The following MIA2 variants were observed in gnomAD, a reference collection of about 807,000 sequenced individuals.
The protein encoded by MIA2 is melanoma inhibitory activity protein 2.
A neutral mutation model predicts 167.8 loss-of-function variants in MIA2; 127 were observed. The ratio of observed to expected loss-of-function variants is 0.76; its 90% CI spans 0.66 to 0.88. The LOEUF is 0.88. Ranked by LOEUF, MIA2 falls within the 40% of genes least tolerant of loss-of-function variation. MIA2 has a pLI of 0.00. For missense variants in MIA2, 1,690 were observed against 1,624.7 expected (o/e 1.04, Z -0.69); for synonymous variants, 552 against 541.9 (o/e 1.02, Z -0.26).
chr14:39,265,672 C>G, intron 6 of MIA2: 1 of 364,406 alleles, frequency 2.7e-6, no homozygotes, highest in Non-Finnish European at 4.9e-6. Context: ...GTTCTAAAAC[C>G]TGAAAATTAT....
intron 25 of MIA2, among the ~76,000 whole-genome samples, chr14:39,341,930 T>A (rs2071970744): frequency 6.6e-6 from 1 of 152,074 alleles, no homozygotes; most frequent in Non-Finnish European, 1.5e-5. Context: ...CTCTTAAGAG[T>A]GTTATTCTGT....
At chr14:39,258,380 T>A (rs940266049) in intron 6 of MIA2, among the ~76,000 whole-genome samples, 2 of 152,238 alleles carry the variant, frequency 1.3e-5, no homozygotes, top group African/African-American at 4.8e-5. Flanking sequence ...TTGATTTAGC[T>A]ATTGATATTT....
At chr14:39,332,173 G>A (rs1006360749) in intron 25 of MIA2, among the ~76,000 whole-genome samples, 3 of 151,978 alleles carry the variant, frequency 2.0e-5, no homozygotes, top group African/African-American at 4.8e-5. Context: ...TTGTCTTCAC[G>A]CTTTATTTTA....
chr14:39,386,626 G>C (rs916865588), intron 23 of MIA2: 1 of 970,088 alleles, frequency 1.0e-6, no homozygotes, highest in African/African-American at 1.8e-5. Context: ...CTTTTTTTTT[G>C]GCTGGCAGTC....
rs2152638070 is a variant in MIA2 at position 39,252,927 on chromosome 14, G to T, written c.1747G>T (p.Asp583Tyr). Residue 583 changes from aspartate (D) to tyrosine (Y), a missense_variant, in exon 5 of 29, where the codon GAT (aspartate) becomes TAT (tyrosine). Physicochemically the swap from Asp to Tyr is radical, Grantham distance 160 (BLOSUM62 -3). Transcript: ENST00000640607. ...GCTAAATAGTCAGATGGTTTCAACT[G>T]ATAACTCTTTGTCTTCTCAAAATTA... ...TLLNSQMVST[D>Y]NSLSSQNYIS... The T allele has an allele frequency of 6.2e-7, 1 of 1,613,006 alleles. No individual in the cohort carries two copies.
chr14:39,297,314 ACTCTTGAC>A (rs1183565764), intron 13 of MIA2, among the ~76,000 whole-genome samples: 3 of 149,528 alleles, frequency 2.0e-5, no homozygotes, highest in Non-Finnish European at 3.0e-5. Context: ...TTGGTCTTGA[ACTCTTGAC>A]CTCAAGTGAT....
At position 39,319,287 on chromosome 14, in the gene MIA2, C is replaced by A; in HGVS notation, c.3363C>A (p.Gly1121=). ...TCGATGTTCCAAATACAGCATTTGG[C>A]AGAGGTAGTCTTTTTTTTTTTACCC... is the stretch of plus-strand genomic sequence containing the variant. The part of the protein sequence containing the change: ...YALDVPNTAF[G]REHSPYGPSP... Residue 1121 remains glycine (G), a synonymous_variant, in exon 23 of 29, where the codon GGC becomes GGA. Coordinates refer to ENST00000640607, the MANE Select transcript of MIA2 (RefSeq NM_001329214.4). 6.6e-7 allele frequency: 1 copy of A among 1,507,196 alleles called. No individual in the cohort carries two copies. Among genetic ancestry groups the A allele is most frequent in the Non-Finnish European group, 8.9e-7 (1 of 1,126,914 alleles). 93.4% of individuals were successfully genotyped at this position (1,507,196 alleles called of 1,614,324 possible). A position where few individuals can be genotyped will look rare whatever the true frequency, so the allele number is the denominator to read the frequency against.
chr14:39,235,795 GA>G (rs1020446217), intron 1 of MIA2, among the ~76,000 whole-genome samples: 8 of 150,894 alleles, frequency 5.3e-5, no homozygotes, highest in East Asian at 1.9e-4. Context: ...TATATATAAA[GA>G]AAAAAAAATT....
chr14:39,297,794 T>A (rs1157089626), intron 13 of MIA2, among the ~76,000 whole-genome samples: 1 of 152,082 alleles, frequency 6.6e-6, no homozygotes, highest in Non-Finnish European at 1.5e-5. Flanking sequence ...TTCCAACTGC[T>A]TTTTATACAG....
intron 23 of MIA2, among the ~76,000 whole-genome samples, chr14:39,377,011 G>T (rs923439783): frequency 5.3e-5 from 8 of 152,170 alleles, no homozygotes; most frequent in African/African-American, 1.9e-4. Flanking sequence ...GTGAATTGGA[G>T]TCCCGAGTTT....
intron 25 of MIA2, among the ~76,000 whole-genome samples, chr14:39,339,880 C>G (rs931968980): frequency 1.3e-5 from 2 of 152,326 alleles, no homozygotes; most frequent in Non-Finnish European, 2.9e-5. Flanking sequence ...GAATCTCACT[C>G]TGTCATCCAG....
chr14:39,320,103 A>AT (rs60586774), intron 23 of MIA2, among the ~76,000 whole-genome samples: 5,904 of 140,570 alleles, frequency 0.042, 392 homozygotes, highest in African/African-American at 0.15. Flanking sequence ...ATATAGAAGG[A>AT]TTTTTTTTTG....
In MIA2 at chr14:39,321,120, T is replaced by C. The variant is rs2152970038; in HGVS notation, c.3496+64T>C. On this transcript the variant is annotated intron_variant, in intron 24 of 28. Coordinates refer to ENST00000640607, the MANE Select transcript of MIA2 (RefSeq NM_001329214.4). ...CCTTACTTTATATTTTCATCTCAACTTACCTTAAAAATGATCTGTAAAATA... is the reference window on the plus strand; with the variant it reads ...CCTTACTTTATATTTTCATCTCAACCTACCTTAAAAATGATCTGTAAAATA... 2.7e-6 allele frequency: 4 copies of C among 1,481,900 alleles called. No individual in the cohort carries two copies. The Admixed American group carries it at 9.0e-5, about 33-fold the overall frequency. 91.8% of individuals were successfully genotyped at this position (1,481,900 alleles called of 1,614,324 possible).
At chr14:39,321,434 C>T (rs896256135) in intron 24 of MIA2, among the ~76,000 whole-genome samples, 2 of 152,100 alleles carry the variant, frequency 1.3e-5, no homozygotes, top group African/African-American at 4.8e-5. Flanking sequence ...CTGCCTCAGC[C>T]TCCCGAGTAG....
At chr14:39,303,337 G>T in intron 15 of MIA2, 141 bp from the exon 16 acceptor site, 1 of 624,384 alleles carries the variant, frequency 1.6e-6, no homozygotes. Flanking sequence ...AGGCCATTCT[G>T]CTTTATACCA....
chr14:39,359,673 C>G (rs1000174275), intron 23 of MIA2, among the ~76,000 whole-genome samples: 9 of 152,160 alleles, frequency 5.9e-5, no homozygotes, highest in Non-Finnish European at 1.2e-4. Context: ...TGGAGCTGTT[C>G]CTATTTGGCT....
At chr14:39,320,482 A>G (rs2066217292) in intron 23 of MIA2, among the ~76,000 whole-genome samples, 2 of 152,128 alleles carry the variant, frequency 1.3e-5, no homozygotes. Context: ...CATTATTTAA[A>G]CAATTCATGG....
rs527542684 is a variant in MIA2 at position 39,368,322 on chromosome 14, T to C, written c.2249-18563T>C. 5.3e-5 allele frequency among the ~76,000 whole-genome samples: 8 copies of C among 152,280 alleles called. No homozygotes were observed. The East Asian group carries it at 1.4e-3, about 26-fold the overall frequency. Reference sequence around the variant, plus strand: ...CAGTCTTAGTGCATCTCTGAGAAAGTCTCAGGCAGGGCAGTGGCAATTCCC... The same window carrying C: ...CAGTCTTAGTGCATCTCTGAGAAAGCCTCAGGCAGGGCAGTGGCAATTCCC... On this transcript the variant is annotated intron_variant, in intron 23 of 23. Transcript: ENST00000341502.
downstream of MIA2, chr14:39,351,295 T>A (rs958116046): frequency 4.0e-5 from 6 of 151,628 alleles, no homozygotes; most frequent in African/African-American, 1.5e-4. Context: ...TTGGAACACT[T>A]CACCCCAGCA....
Sources: allele counts gnomAD v4.1 joint callset (sites outside exome capture counted in the v4.1 genomes callset), GRCh38; gene constraint gnomAD v4.1.1; transcripts MANE v1.5; gene names NCBI Gene and HGNC (gene_info 2026-07-23, HGNC 2026-07-21).